The following TSPEAR variants were observed in gnomAD, a reference collection of about 807,000 sequenced individuals.
The protein encoded by TSPEAR is thrombospondin type laminin G domain and EAR repeats, also known as thrombospondin-type laminin G domain and EAR repeat-containing protein.
Under a neutral mutation model 71.6 loss-of-function variants are expected in TSPEAR, and 69 were observed. The observed-to-expected ratio is 0.96, with a 90% CI of 0.79 to 1.18. TSPEAR has a LOEUF of 1.18. Among genes scored for constraint, TSPEAR ranks in the 50% most tolerant of loss-of-function variants. TSPEAR has a pLI of 0.00. For synonymous variants in TSPEAR, 402 were observed against 387.2 expected, an observed-to-expected ratio of 1.04 and a Z score of -0.45; for missense variants, 971 against 894.9, an observed-to-expected ratio of 1.09 and a Z score of -1.09.
At chr21:44,635,196 A>T (rs1555936413) in intron 1 of TSPEAR, among the ~76,000 whole-genome samples, 1 of 151,980 alleles carries the variant, frequency 6.6e-6, no homozygotes, top group Non-Finnish European at 1.5e-5. Flanking sequence ...AATATAAAAA[A>T]TTAGCTGGGT....
rs17004664 is a variant in TSPEAR at position 44,529,979 on chromosome 21, C to G, written c.634-25G>C. On this transcript the variant is annotated intron_variant, in intron 4 of 11. Transcript: ENST00000323084. The stretch of plus-strand genomic sequence containing the variant: ...CCTGCAGAGAGAGGGACAGCTCCTT[C>G]AGGCCCGCGCTGCTGGGGAAGGACC... The G allele has an allele frequency of 2.3e-3, 3,484 of 1,544,820 alleles. 83 individuals carry two copies. The African/African-American group carries it at 0.041, about 18-fold the overall frequency.
chr21:44,526,733 C>T (rs913879519), intron 7 of TSPEAR, among the ~76,000 whole-genome samples: 2 of 152,118 alleles, frequency 1.3e-5, no homozygotes, highest in African/African-American at 4.8e-5. Flanking sequence ...AGGGAGTGGA[C>T]GGAGCTGGGA....
In TSPEAR at chr21:44,539,210, G is replaced by A. The variant is rs1239969790; in HGVS notation, c.304-5287C>T. The A allele has an allele frequency of 2.0e-6, 3 of 1,537,324 alleles. No individual in the cohort carries two copies. In the African/African-American group the frequency reaches 4.1e-5, roughly 21 times the overall value. On this transcript the variant is annotated intron_variant, in intron 2 of 11. Coordinates refer to ENST00000323084, the MANE Select transcript of TSPEAR (RefSeq NM_144991.3). ...GAGACACGGGGACCCGTCCTAGGTG[G>A]GGGAAGCCACCTAACCCAGGTCAGG... is the stretch of plus-strand genomic sequence containing the variant.
chr21:44,606,112 A>G (rs1235339593), intron 1 of TSPEAR, among the ~76,000 whole-genome samples: 1 of 149,246 alleles, frequency 6.7e-6, no homozygotes, highest in Non-Finnish European at 1.5e-5. Flanking sequence ...AAAATAAATA[A>G]CCCAATCTAA....
At chr21:44,647,326 C>T in intron 1 of TSPEAR, 1 of 1,613,876 alleles carries the variant, frequency 6.2e-7, no homozygotes, top group East Asian at 2.2e-5. Context: ...CTGCTACAGC[C>T]TCTGCTCAGG....
Position 44,589,000 on chromosome 21 carries a change from G to T in TSPEAR, c.83-20995C>A, listed in dbSNP as rs587614328. On this transcript the variant is annotated intron_variant, in intron 1 of 11. Transcript: ENST00000323084. ...CACAATGGACTTTGGGGACTGAGAG[G>T]GAAAGGGCGGGAAGGGGGTGATGGA... Among the ~76,000 whole-genome samples the T allele has an allele frequency of 1.0e-3, 154 of 152,046 alleles. 1 individual carries two copies. The highest frequency in any genetic ancestry group is 3.6e-3 in the African/African-American group (150 of 41,454).
At chr21:44,517,708 A>G (rs2052622754) in intron 9 of TSPEAR, 1 of 467,646 alleles carries the variant, frequency 2.1e-6, no homozygotes, top group South Asian at 1.6e-5. Flanking sequence ...GGCAGTGGCC[A>G]GCGTCCTTGT....
rs587687786 is a variant in TSPEAR at position 44,603,223 on chromosome 21, C to A, written c.83-35218G>T. Among the ~76,000 whole-genome samples the A allele has an allele frequency of 3.3e-5, 5 of 152,206 alleles. No individual in the cohort carries two copies. The South Asian group carries it at 1.0e-3, about 32-fold the overall frequency. On this transcript the variant is annotated intron_variant, in intron 1 of 11. Transcript: ENST00000323084. ...GAGCACCAGCTGGCAAGGAATAAGC[C>A]CCCACATGTCCCACCTGGCACTCCT...
intron 5 of TSPEAR, 36 bp downstream of exon 5, chr21:44,529,762 G>T: frequency 6.2e-7 from 1 of 1,611,732 alleles, no homozygotes; most frequent in Non-Finnish European, 8.5e-7. Flanking sequence ...TCTCGCATCT[G>T]CCTTTGGTGT....
chr21:44,677,792 T>C (rs782058110), intron 1 of TSPEAR: 12 of 1,296,466 alleles, frequency 9.3e-6, no homozygotes, highest in African/African-American at 1.5e-5. Flanking sequence ...TCTTTGGCAA[T>C]GGAACATTAT....
chr21:44,677,541 C>T, intron 1 of TSPEAR: 1 of 844,452 alleles, frequency 1.2e-6, no homozygotes, highest in Non-Finnish European at 2.0e-6. Flanking sequence ...TGGTCGTTCC[C>T]TTATAGAAGA....
chr21:44,615,350 C>T (rs1456098734), intron 1 of TSPEAR, among the ~76,000 whole-genome samples: 2 of 152,242 alleles, frequency 1.3e-5, no homozygotes, highest in African/African-American at 4.8e-5. Context: ...CCAGGCCGCA[C>T]AGGTGCCAAG....
At position 44,681,387 on chromosome 21, in the gene TSPEAR, G is replaced by C. The variant is rs367607831; in HGVS notation, c.82+30046C>G. ...GTAAGTCACCGCTGTGGCCACTGCA[G>C]CTGGGCCCCAGGAGCCCTGGGAGAG... On this transcript the variant is annotated intron_variant, in intron 1 of 11. Transcript: ENST00000323084. Among the ~76,000 whole-genome samples, 63 of 152,350 alleles carry C rather than the reference G, an allele frequency of 4.1e-4. 1 individual carries two copies. In the East Asian group the frequency reaches 0.011, roughly 27 times the overall value.
At chr21:44,574,791 T>C in intron 1 of TSPEAR, 1 of 1,614,172 alleles carries the variant, frequency 6.2e-7, no homozygotes, top group Non-Finnish European at 8.5e-7. Flanking sequence ...GCAATCTAGC[T>C]GCCAGCCAGC....
intron 1 of TSPEAR, among the ~76,000 whole-genome samples, chr21:44,699,556 A>G (rs1987550988): frequency 6.6e-6 from 1 of 151,602 alleles, no homozygotes; most frequent in African/African-American, 2.4e-5. Flanking sequence ...CCCTCTTCCC[A>G]CAGCTGGCCA....
rs1423754404 is a variant in TSPEAR, at chr21:44,710,054, T to C, written c.82+1379A>G. On this transcript the variant is annotated intron_variant, in intron 1 of 11. Coordinates refer to ENST00000323084, the MANE Select transcript of TSPEAR (RefSeq NM_144991.3). The surrounding 1 kb of genome is among the most constrained non-coding windows in gnomAD (Gnocchi z 4.6). ...CCCTGAGCTAAAGGGAACATGAAAATACATGTCTGTGACTCATGCCCCCCC... is the reference window on the plus strand; with the variant it reads ...CCCTGAGCTAAAGGGAACATGAAAACACATGTCTGTGACTCATGCCCCCCC... Among the ~76,000 whole-genome samples, 1 of 152,126 alleles carries C rather than the reference T, an allele frequency of 6.6e-6. No homozygotes were observed. The highest frequency in any genetic ancestry group is 6.5e-5 in the Admixed American group (1 of 15,280).
At chr21:44,671,311 A>C (rs190366997) in intron 1 of TSPEAR, among the ~76,000 whole-genome samples, 298 of 152,360 alleles carry the variant, frequency 2.0e-3, no homozygotes, top group Middle Eastern at 6.8e-3. Context: ...CACACTGCCC[A>C]GCGGCCCAAG....
chr21:44,654,334 G>T (rs1555942068), intron 1 of TSPEAR: 2 of 1,614,112 alleles, frequency 1.2e-6, no homozygotes, highest in South Asian at 2.2e-5. Flanking sequence ...GGGGCAGAAG[G>T]GCTGGCAGCA....
intron 1 of TSPEAR, chr21:44,678,144 G>A (rs1986412489): frequency 3.4e-6 from 2 of 580,044 alleles, no homozygotes; most frequent in African/African-American, 1.9e-5. Context: ...GCACGAGTAA[G>A]TGGAGGCATG....
Sources: gnomAD v4.1 joint callset for allele counts (sites outside exome capture counted in the v4.1 genomes callset) on GRCh38, gnomAD v4.1.1 for gene constraint, Gnocchi (gnomAD v3.1) non-coding constraint, MANE v1.5 for transcripts, NCBI Gene and HGNC (gene_info 2026-07-23, HGNC 2026-07-21) for gene names.